TENM2: variants seen among roughly 807,000 people sequenced by gnomAD.
TENM2 encodes the protein teneurin transmembrane protein 2, also known as teneurin-2.
Under a neutral mutation model 245.2 loss-of-function variants are expected in TENM2, and 52 were observed. The observed-to-expected ratio is 0.21, with a 90% confidence interval of 0.17 to 0.27. The LOEUF is 0.27. TENM2 is among the 10% of genes least tolerant of loss of function. The probability of loss-of-function intolerance (pLI) is 1.00; values close to 1 mark genes in which losing one functional copy is unlikely to be tolerated. For synonymous variants in TENM2, 1,363 were observed against 1,438.9 expected, an observed-to-expected ratio of 0.95 and a Z score of 1.19; for missense variants, 3,046 against 3,666.8, an observed-to-expected ratio of 0.83 and a Z score of 4.37.
the TENM2 span, among the ~76,000 whole-genome samples, chr5:167,183,875 C>CT: frequency 6.6e-6 from 1 of 152,140 alleles, no homozygotes; most frequent in Non-Finnish European, 1.5e-5. Context: ...ACTACAACTA[C>CT]TATGGTAAAT....
chr5:167,566,790 G>C (rs1562060909), intron 2 of TENM2, among the ~76,000 whole-genome samples: 1 of 152,110 alleles, frequency 6.6e-6, no homozygotes, highest in Non-Finnish European at 1.5e-5. Flanking sequence ...ACTCTATTCG[G>C]TCCACCATGG....
chr5:168,239,206 A>G (rs966277000), intron 25 of TENM2, among the ~76,000 whole-genome samples: 2 of 152,128 alleles, frequency 1.3e-5, no homozygotes, highest in African/African-American at 4.8e-5. Context: ...TATAAATGGC[A>G]CCCTCATAAT....
At chr5:167,191,061 A>C in the TENM2 span, among the ~76,000 whole-genome samples, 8 of 152,018 alleles carry the variant, frequency 5.3e-5, no homozygotes, top group African/African-American at 1.9e-4. Context: ...GTGCTGGGAC[A>C]ATTTGTTTAT....
the TENM2 span, among the ~76,000 whole-genome samples, chr5:167,201,396 A>T: frequency 2.0e-5 from 3 of 152,248 alleles, no homozygotes; most frequent in Non-Finnish European, 4.4e-5. Flanking sequence ...TTACATGCTG[A>T]AAATGAATGG....
At chr5:168,101,331 A>G (rs79701245) in intron 9 of TENM2, among the ~76,000 whole-genome samples, 12 of 152,296 alleles carry the variant, frequency 7.9e-5, no homozygotes, top group African/African-American at 2.9e-4. Context: ...GTATATTAAC[A>G]CTGACACACA....
chr5:167,339,224 GTAACAC>G (rs1561874237), intron 1 of TENM2, among the ~76,000 whole-genome samples: 1 of 152,168 alleles, frequency 6.6e-6, no homozygotes, highest in African/African-American at 2.4e-5. Flanking sequence ...CTCTCCTGCT[GTAACAC>G]TGTGAAACCA....
intron 9 of TENM2, among the ~76,000 whole-genome samples, chr5:168,116,881 C>A (rs949770999): frequency 2.0e-5 from 3 of 152,162 alleles, no homozygotes; most frequent in South Asian, 2.1e-4. Context: ...ATGCAGAATT[C>A]TCGGAACCTG....
At chr5:168,117,326 A>G (rs77065314) in intron 9 of TENM2, among the ~76,000 whole-genome samples, 483 of 152,188 alleles carry the variant, frequency 3.2e-3, no homozygotes, top group African/African-American at 0.011. Flanking sequence ...TTTATTACAC[A>G]TGTTACACTT....
chr5:167,689,039 C>T (rs561738815), intron 2 of TENM2, among the ~76,000 whole-genome samples: 3 of 152,226 alleles, frequency 2.0e-5, no homozygotes, highest in East Asian at 3.9e-4. Flanking sequence ...GTTTGGCGGT[C>T]GTTGAACTTC....
intron 2 of TENM2, among the ~76,000 whole-genome samples, chr5:167,747,267 G>C (rs1761656317): frequency 6.6e-6 from 1 of 151,818 alleles, no homozygotes; most frequent in Admixed American, 6.6e-5. Flanking sequence ...AGGCTGGCAG[G>C]AGAGATGAAG....
At chr5:167,084,891 A>G in the TENM2 span, among the ~76,000 whole-genome samples, 1 of 152,166 alleles carries the variant, frequency 6.6e-6, no homozygotes, top group Non-Finnish European at 1.5e-5. Flanking sequence ...TACGATACAT[A>G]CATTTTTGTT....
intron 3 of TENM2, among the ~76,000 whole-genome samples, chr5:167,916,325 A>G (rs1408454161): frequency 6.6e-6 from 1 of 152,046 alleles, no homozygotes; most frequent in Non-Finnish European, 1.5e-5. Flanking sequence ...GGGGGTTGGT[A>G]CCTTCAGACG....
At chr5:168,200,226 A>G in intron 17 of TENM2, 95 bp downstream of exon 19, 1 of 1,149,104 alleles carries the variant, frequency 8.7e-7, no homozygotes, top group South Asian at 1.6e-5. Context: ...GCCAAGCACC[A>G]TTTCAGTAGA....
chr5:168,237,229 G>A (rs1295615911), intron 25 of TENM2, among the ~76,000 whole-genome samples: 1 of 149,476 alleles, frequency 6.7e-6, no homozygotes, highest in Non-Finnish European at 1.5e-5. Context: ...TGTTGACCAG[G>A]CTGGTCTTGA....
chr5:167,440,644 T>C (rs919654160), intron 2 of TENM2, among the ~76,000 whole-genome samples: 4 of 152,174 alleles, frequency 2.6e-5, no homozygotes, highest in Admixed American at 1.3e-4. Flanking sequence ...CTATGTAATA[T>C]GAATCCTGGG....
chr5:167,069,466 G>T, the TENM2 span, among the ~76,000 whole-genome samples: 8 of 152,036 alleles, frequency 5.3e-5, no homozygotes, highest in Non-Finnish European at 1.2e-4. Flanking sequence ...TAGGGTATTT[G>T]AATATCTCAA....
chr5:167,760,148 C>T (rs905959529), intron 2 of TENM2, among the ~76,000 whole-genome samples: 8 of 152,226 alleles, frequency 5.3e-5, no homozygotes, highest in Non-Finnish European at 1.2e-4. Flanking sequence ...GTTAAAACTC[C>T]GCATGGTACA....
chr5:167,607,665 T>A (rs1286820396), intron 2 of TENM2, among the ~76,000 whole-genome samples: 1 of 152,200 alleles, frequency 6.6e-6, no homozygotes, highest in Non-Finnish European at 1.5e-5. Flanking sequence ...GATCCTTATT[T>A]CCTTTTACTG....
intron 3 of TENM2, among the ~76,000 whole-genome samples, chr5:167,910,770 T>TA (rs999110734): frequency 1.1e-4 from 16 of 152,254 alleles, no homozygotes; most frequent in African/African-American, 3.6e-4. Context: ...TTCCACAGAA[T>TA]AAAAAAATTC....
Sources: allele counts gnomAD v4.1 joint callset (sites outside exome capture counted in the v4.1 genomes callset), GRCh38; gene constraint gnomAD v4.1.1; transcripts MANE v1.5; gene names NCBI Gene and HGNC (gene_info 2026-07-23, HGNC 2026-07-21).